The following SP140 variants were observed in gnomAD, a reference collection of about 807,000 sequenced individuals.
The protein encoded by SP140 is SP140 nuclear body protein.
Under a neutral mutation model 125.0 loss-of-function variants are expected in SP140, and 81 were observed. The ratio of observed to expected loss-of-function variants is 0.65; its 90% CI spans 0.54 to 0.78. The LOEUF (loss-of-function observed/expected upper bound fraction) is 0.78. Ranked by LOEUF, SP140 falls within the 30% of genes least tolerant of loss-of-function variation. SP140 has a pLI of 0.00. For missense variants in SP140, 858 were observed against 1,037.0 expected (o/e 0.83, Z 2.37); for synonymous variants, 312 against 354.0 (o/e 0.88, Z 1.33).
intron 1 of SP140, chr2:230,212,672 T>C: frequency 6.5e-7 from 1 of 1,530,720 alleles, no homozygotes. Flanking sequence ...ACTAGGACAA[T>C]AAAAGTCAAG....
chr2:230,243,131 A>C (rs946475722), intron 4 of SP140, among the ~76,000 whole-genome samples: 1 of 152,204 alleles, frequency 6.6e-6, no homozygotes, highest in Non-Finnish European at 1.5e-5. Context: ...AATTTCCCCC[A>C]ATAATTTCAA....
chr2:230,254,413 C>G (rs1369243176), intron 11 of SP140, among the ~76,000 whole-genome samples: 1 of 152,182 alleles, frequency 6.6e-6, no homozygotes, highest in Non-Finnish European at 1.5e-5. Context: ...CTCATCTGCT[C>G]AGGTAGTGGA....
At chr2:230,272,934 A>T (rs2054157545) in intron 15 of SP140, among the ~76,000 whole-genome samples, 1 of 152,208 alleles carries the variant, frequency 6.6e-6, no homozygotes, top group African/African-American at 2.4e-5. Flanking sequence ...ACCATATACA[A>T]AAATTATCTC....
intron 4 of SP140, 28 bp from the exon 5 acceptor site, chr2:230,243,703 A>G (rs1442991091): frequency 6.5e-7 from 1 of 1,544,152 alleles, no homozygotes; most frequent in Non-Finnish European, 8.9e-7. Flanking sequence ...AAATCAAGAC[A>G]TCTAAGGGAT....
At chr2:230,241,138 G>T (rs2149134418) in intron 3 of SP140, among the ~76,000 whole-genome samples, 1 of 152,316 alleles carries the variant, frequency 6.6e-6, no homozygotes, top group Non-Finnish European at 1.5e-5. Flanking sequence ...GCCATTGCTG[G>T]TGATAGGAAC....
intron 15 of SP140, among the ~76,000 whole-genome samples, chr2:230,273,427 TAAAAGGTCTA>T (rs2149370046): frequency 6.6e-6 from 1 of 152,286 alleles, no homozygotes; most frequent in South Asian, 2.1e-4. Flanking sequence ...TGACTATTAT[TAAAAGGTCTA>T]AAAACAACAG....
chr2:230,260,787 T>G (rs1010099048), intron 12 of SP140, among the ~76,000 whole-genome samples: 1 of 152,222 alleles, frequency 6.6e-6, no homozygotes, highest in Non-Finnish European at 1.5e-5. Flanking sequence ...CTCTGTTCTG[T>G]TTCATTGGTC....
chr2:230,284,020 TAC>T (rs1174144980), intron 15 of SP140, among the ~76,000 whole-genome samples: 2 of 152,228 alleles, frequency 1.3e-5, no homozygotes, highest in African/African-American at 4.8e-5. Flanking sequence ...CATTTGAATT[TAC>T]ACAACAAACA....
intron 22 of SP140, among the ~76,000 whole-genome samples, chr2:230,307,393 G>T (rs1045035445): frequency 6.6e-6 from 1 of 152,222 alleles, no homozygotes; most frequent in East Asian, 1.9e-4. Context: ...CTTGATCACC[G>T]CATTGTGGGT....
At chr2:230,242,909 T>G (rs2149150463) in intron 4 of SP140, among the ~76,000 whole-genome samples, 1 of 152,322 alleles carries the variant, frequency 6.6e-6, no homozygotes, top group East Asian at 1.9e-4. Flanking sequence ...CCTCTAATCT[T>G]GCTTCCATCA....
intron 11 of SP140, among the ~76,000 whole-genome samples, chr2:230,254,883 A>G (rs1262768165): frequency 6.6e-6 from 1 of 151,998 alleles, no homozygotes; most frequent in East Asian, 1.9e-4. Flanking sequence ...TCTTTCTTTT[A>G]TATGTGGGCC....
intron 23 of SP140, chr2:230,310,349 G>A (rs565262247): frequency 1.4e-5 from 7 of 486,986 alleles, no homozygotes; most frequent in African/African-American, 1.2e-4. Context: ...AACACCAGTT[G>A]TTTATATTTT....
chr2:230,250,582 G>A (rs974097680), intron 9 of SP140, among the ~76,000 whole-genome samples: 1 of 152,124 alleles, frequency 6.6e-6, no homozygotes, highest in Non-Finnish European at 1.5e-5. Context: ...TAAATGAGAT[G>A]GGGAAAGCCA....
At chr2:230,255,925 G>A (rs1160907118) in intron 12 of SP140, among the ~76,000 whole-genome samples, 4 of 152,188 alleles carry the variant, frequency 2.6e-5, no homozygotes, top group African/African-American at 9.6e-5. Context: ...GGCAAACTGA[G>A]TAATCCTATT....
intron 12 of SP140, among the ~76,000 whole-genome samples, chr2:230,256,905 A>T (rs547008470): frequency 6.6e-6 from 1 of 152,308 alleles, no homozygotes; most frequent in Admixed American, 6.5e-5. Context: ...GAGTACTCTG[A>T]TAGGTGTTAT....
At chr2:230,250,030 C>T (rs2050118910) in intron 9 of SP140, among the ~76,000 whole-genome samples, 1 of 152,194 alleles carries the variant, frequency 6.6e-6, no homozygotes, top group Non-Finnish European at 1.5e-5. Flanking sequence ...ATCCCAGGAC[C>T]CTGCCCCTTG....
rs144837805 is a variant in SP140 at position 230,272,883 on chromosome 2, C to T, written c.1498+2244C>T. ...CAGTAAATGGTACTGGGATAATCAG[C>T]TAGCCATATACAGAAAATTGAAACT... is the stretch of plus-strand genomic sequence containing the variant. On this transcript the variant is annotated intron_variant, in intron 15 of 26. Transcript: ENST00000392045. Among the ~76,000 whole-genome samples the T allele has an allele frequency of 4.8e-3, 738 of 152,242 alleles. 10 individuals are homozygous for T. The highest frequency in any genetic ancestry group is 0.017 in the African/African-American group (702 of 41,512).
chr2:230,223,421 C>A (rs145239723), upstream of SP140, among the ~76,000 whole-genome samples: 4 of 152,264 alleles, frequency 2.6e-5, no homozygotes, highest in African/African-American at 9.6e-5. Context: ...ATATAACCTG[C>A]CTGGACTGCC....
At chr2:230,287,778 A>T in intron 17 of SP140, 114 bp from the exon 18 acceptor site, 1 of 822,914 alleles carries the variant, frequency 1.2e-6, no homozygotes, top group Non-Finnish European at 1.8e-6. Context: ...CTTTTTATTT[A>T]TACATTAAAC....
Sources: allele counts gnomAD v4.1 joint callset (sites outside exome capture counted in the v4.1 genomes callset), GRCh38; gene constraint gnomAD v4.1.1; transcripts MANE v1.5; gene names NCBI Gene and HGNC (gene_info 2026-07-23, HGNC 2026-07-21).